GLI3: variants seen among roughly 807,000 people sequenced by gnomAD.
GLI3 encodes GLI family zinc finger 3.
GLI3 carries 20 observed loss-of-function variants against 100.8 expected under a neutral mutation model. That is an observed-to-expected ratio of 0.20 (90% CI 0.14 to 0.29). GLI3 has a LOEUF of 0.29. Ranked by LOEUF, GLI3 falls within the 10% of genes least tolerant of loss-of-function variation. The pLI is 1.00. For synonymous variants in GLI3, 938 were observed against 860.5 expected, an observed-to-expected ratio of 1.09 and a Z score of -1.58; for missense variants, 2,040 against 2,128.5, an observed-to-expected ratio of 0.96 and a Z score of 0.82.
At chr7:42,242,439 A>G (rs957248860), upstream of GLI3, among the ~76,000 whole-genome samples, 10 of 152,230 alleles carry the variant, frequency 6.6e-5, no homozygotes, top group Admixed American at 3.9e-4. Flanking sequence ...AAAACAGCCT[A>G]TAAAGGAGAG....
chr7:42,026,438 G>A (rs775477913), intron 7 of GLI3, 26 bp from the exon 8 acceptor site: 34 of 1,553,396 alleles, frequency 2.2e-5, no homozygotes, highest in South Asian at 7.8e-5. Flanking sequence ...AAAAAAAGAC[G>A]ATCATCACTT....
intron 1 of GLI3, among the ~76,000 whole-genome samples, chr7:42,232,341 G>A (rs1043088721): frequency 1.3e-5 from 2 of 152,180 alleles, no homozygotes; most frequent in Non-Finnish European, 2.9e-5. Flanking sequence ...AGGTAGGGAG[G>A]GGACTTACCT....
chr7:42,086,201 T>G (rs1216494630), intron 3 of GLI3, among the ~76,000 whole-genome samples: 3 of 152,122 alleles, frequency 2.0e-5, no homozygotes, highest in Non-Finnish European at 4.4e-5. Context: ...TTCACCTCAT[T>G]TATTTCTTCC....
intron 2 of GLI3, among the ~76,000 whole-genome samples, chr7:42,202,581 C>T (rs565520309): frequency 4.2e-4 from 64 of 152,270 alleles, no homozygotes; most frequent in Non-Finnish European, 7.9e-4. Flanking sequence ...GGTTTCATGT[C>T]CACAAAAGCT....
intron 3 of GLI3, among the ~76,000 whole-genome samples, chr7:42,092,333 C>G (rs948772023): frequency 6.6e-6 from 1 of 152,160 alleles, no homozygotes; most frequent in African/African-American, 2.4e-5. Flanking sequence ...ATTTAAGCAA[C>G]AGCCGGAAGT....
chr7:42,250,748 A>T (rs964079089), intron 1 of GLI3, among the ~76,000 whole-genome samples: 4 of 152,190 alleles, frequency 2.6e-5, no homozygotes, highest in African/African-American at 9.6e-5. Context: ...GTGGATTTGT[A>T]TGGAGGAAAA....
intron 2 of GLI3, among the ~76,000 whole-genome samples, chr7:42,197,946 G>A (rs569845121): frequency 3.3e-5 from 5 of 152,216 alleles, no homozygotes; most frequent in East Asian, 1.9e-4. Context: ...ATCATGATTC[G>A]GGTACATATA....
chr7:41,966,674 G>T lies in GLI3; in HGVS notation c.2432-33C>A. ...CAGAGAAAGGGAGAGACCATGCGGA[G>T]ATGAATTCCCTTCGAGCATGACTTA... On this transcript the variant is annotated intron_variant, in intron 14 of 14. Transcript: ENST00000395925. The surrounding 1 kb of genome is among the most constrained non-coding windows in gnomAD (Gnocchi z 5.8). 1.9e-6 allele frequency: 3 copies of T among 1,611,018 alleles called. No homozygotes were observed. Among genetic ancestry groups the T allele is most frequent in the Non-Finnish European group, 2.5e-6 (3 of 1,177,828 alleles).
chr7:42,009,216 G>A (rs1476958470), intron 10 of GLI3, among the ~76,000 whole-genome samples: 2 of 152,132 alleles, frequency 1.3e-5, no homozygotes, highest in Non-Finnish European at 2.9e-5. Flanking sequence ...CATATTTACT[G>A]TATTTTCCTG....
intron 3 of GLI3, among the ~76,000 whole-genome samples, chr7:42,081,451 C>A (rs1054543616): frequency 6.6e-6 from 1 of 152,264 alleles, no homozygotes; most frequent in Middle Eastern, 3.4e-3. Flanking sequence ...TGGCTTGACA[C>A]ATGTTTAAAC....
upstream of GLI3, among the ~76,000 whole-genome samples, chr7:42,237,463 C>A (rs1363943663): frequency 1.3e-5 from 2 of 151,988 alleles, no homozygotes; most frequent in African/African-American, 4.8e-5. Context: ...GTGGAGAAGC[C>A]CCCCGCCCCG....
At chr7:42,257,228 A>G (rs1452741938) in intron 1 of GLI3, among the ~76,000 whole-genome samples, 9 of 151,926 alleles carry the variant, frequency 5.9e-5, no homozygotes, top group Admixed American at 5.2e-4. Flanking sequence ...TCTCCAATCT[A>G]GATACCACTA....
At position 42,148,339 on chromosome 7, in the gene GLI3, A is replaced by C; in HGVS notation, c.254T>G (p.Leu85Trp). Residue 85 changes from leucine (L) to tryptophan (W), a missense_variant, in exon 3 of 15, where the codon TTG becomes TGG. Physicochemically the swap from Leu to Trp is moderately conservative, Grantham distance 61 (BLOSUM62 -2). This residue lies in a region of GLI3 where 603 missense variants were observed against 690.9 expected (regional missense o/e 0.87). Coordinates refer to ENST00000395925, the MANE Select transcript of GLI3 (RefSeq NM_000168.6). Reference protein sequence around the residue: ...PSTSSDERASLIKKEIHGSLP... With the variant: ...PSTSSDERASWIKKEIHGSLP... ...GGACCCATGGATCTCTTTCTTGATCAATGAGGCCCTCTCGTCACTCGATGT... is the reference window on the plus strand; with the variant it reads ...GGACCCATGGATCTCTTTCTTGATCCATGAGGCCCTCTCGTCACTCGATGT... The C allele has an allele frequency of 6.2e-7, 1 of 1,613,856 alleles. No homozygotes were observed. Among genetic ancestry groups the C allele is most frequent in the South Asian group, 1.1e-5 (1 of 91,026 alleles).
chr7:41,968,743 A>G (rs11983962), intron 13 of GLI3, among the ~76,000 whole-genome samples: 330 of 129,692 alleles, frequency 2.5e-3, no homozygotes, highest in Middle Eastern at 0.012. Context: ...AAAGAAAGAA[A>G]GAAAGAAAGA....
At chr7:42,245,416 C>A (rs2128709590) in intron 1 of GLI3, among the ~76,000 whole-genome samples, 1 of 152,276 alleles carries the variant, frequency 6.6e-6, no homozygotes, top group East Asian at 1.9e-4. Context: ...CCTTCTCATG[C>A]CTGTAATCCC....
At chr7:42,133,974 G>A (rs112999376) in intron 3 of GLI3, among the ~76,000 whole-genome samples, 14 of 151,900 alleles carry the variant, frequency 9.2e-5, no homozygotes, top group Non-Finnish European at 2.9e-5. Context: ...CCATCTACTT[G>A]GGAGGCTGAG....
At chr7:42,062,522 C>A (rs975341963) in intron 4 of GLI3, among the ~76,000 whole-genome samples, 1 of 152,066 alleles carries the variant, frequency 6.6e-6, no homozygotes, top group South Asian at 2.1e-4. Flanking sequence ...AGTGGGACCA[C>A]GTAGCCTTGC....
At chr7:42,237,573 C>T (rs1426332983), upstream of GLI3, among the ~76,000 whole-genome samples, 1 of 151,358 alleles carries the variant, frequency 6.6e-6, no homozygotes, top group Non-Finnish European at 1.5e-5. Flanking sequence ...CCTCCTCTTC[C>T]TCCTCCTCCC....
chr7:42,102,446 T>C (rs1785485372), intron 3 of GLI3, among the ~76,000 whole-genome samples: 1 of 152,172 alleles, frequency 6.6e-6, no homozygotes, highest in South Asian at 2.1e-4. Flanking sequence ...CTTCTCGAGA[T>C]TTTCTGACAA....
Sources: gnomAD v4.1 joint callset for allele counts (sites outside exome capture counted in the v4.1 genomes callset) on GRCh38, gnomAD v4.1.1 for gene constraint, gnomAD v4.1.1 regional missense constraint, Gnocchi (gnomAD v3.1) non-coding constraint, MANE v1.5 for transcripts, NCBI Gene and HGNC (gene_info 2026-07-23, HGNC 2026-07-21) for gene names.